The following CBX7 variants were observed in gnomAD, a reference collection of about 807,000 sequenced individuals.
CBX7 encodes the protein chromobox protein homolog 7.
Under a neutral mutation model 31.4 loss-of-function variants are expected in CBX7, and 14 were observed. That is an observed-to-expected ratio of 0.45 (90% CI 0.29 to 0.70). CBX7 has a LOEUF of 0.70. CBX7 is among the 30% of genes least tolerant of loss of function. CBX7 has a pLI of 0.11. For missense variants in CBX7, 269 were observed against 351.9 expected, an observed-to-expected ratio of 0.76 and a Z score of 1.89; for synonymous variants, 159 against 152.6, an observed-to-expected ratio of 1.04 and a Z score of -0.31.
At position 39,152,552 on chromosome 22, in the gene CBX7, C is replaced by T. The variant is rs1009612926; in HGVS notation, c.-108G>A. On this transcript the variant is annotated 5_prime_UTR_variant, in exon 1 of 6. Transcript: ENST00000216133. The surrounding 1 kb of genome is among the most constrained non-coding windows in gnomAD (Gnocchi z 4.9). ...GGGCTGGCGGGGTCCCCGTCACCCTCGTCCGGGCGCGCACGCGCACGCGCA... is the reference window on the plus strand; with the variant it reads ...GGGCTGGCGGGGTCCCCGTCACCCTTGTCCGGGCGCGCACGCGCACGCGCA... 1 of 334,304 alleles carries T rather than the reference C, an allele frequency of 3.0e-6. No individual in the cohort carries two copies. Among genetic ancestry groups the T allele is most frequent in the South Asian group, 1.1e-4 (1 of 9,184 alleles). 20.7% of individuals were successfully genotyped at this position (334,304 alleles called of 1,614,324 possible). A position where few individuals can be genotyped will look rare whatever the true frequency, so the allele number is the denominator to read the frequency against.
chr22:39,145,119 G>A (rs1930597580), intron 2 of CBX7, among the ~76,000 whole-genome samples: 1 of 152,184 alleles, frequency 6.6e-6, no homozygotes, highest in Non-Finnish European at 1.5e-5. Context: ...TGAGCGCCCC[G>A]AAAGGCTCGG....
rs1930137092 is a variant in CBX7 at position 39,133,878 on chromosome 22, T to C, written c.*13A>G. The C allele has an allele frequency of 1.3e-6, 2 of 1,593,380 alleles. No homozygotes were observed. Among genetic ancestry groups the C allele is most frequent in the Non-Finnish European group, 1.7e-6 (2 of 1,167,910 alleles). On this transcript the variant is annotated 3_prime_UTR_variant, in exon 6 of 6. Transcript: ENST00000216133. ...CCAAAAGAAAACAGTTTAAGAAGAG[T>C]AAAAACGGTGATTCAGAACTTCCCA...
chr22:39,136,847 C>T (rs1053635375), intron 4 of CBX7: 1 of 152,276 alleles, frequency 6.6e-6, no homozygotes, highest in Non-Finnish European at 1.5e-5. Flanking sequence ...CACAGACGTC[C>T]AGGAGATGTT....
At chr22:39,145,647 A>T (rs2146367027) in intron 2 of CBX7, among the ~76,000 whole-genome samples, 1 of 149,294 alleles carries the variant, frequency 6.7e-6, no homozygotes, top group South Asian at 2.1e-4. Flanking sequence ...GCGGAGCGCC[A>T]GGCCCCGCCC....
chr22:39,138,548 C>T (rs984767373), intron 4 of CBX7, 88 bp downstream of exon 4: 2 of 1,233,678 alleles, frequency 1.6e-6, no homozygotes, highest in African/African-American at 1.5e-5. Context: ...CAGATCAGCT[C>T]AATCAGCCAG....
intron 5 of CBX7, 100 bp from the exon 6 acceptor site, chr22:39,134,148 T>A (rs1355303455): frequency 1.2e-5 from 16 of 1,280,204 alleles, no homozygotes; most frequent in Admixed American, 2.3e-5. Flanking sequence ...TCTCTGTGTC[T>A]TCAGTCAGCT....
At chr22:39,150,006 A>T (rs770890760) in intron 1 of CBX7, among the ~76,000 whole-genome samples, 174 bp from the exon 2 acceptor site, 3 of 151,892 alleles carry the variant, frequency 2.0e-5, no homozygotes, top group Non-Finnish European at 2.9e-5. Flanking sequence ...AACCCATATA[A>T]CCGCGACTGC....
At chr22:39,138,864 C>T (rs533494383) in intron 3 of CBX7, among the ~76,000 whole-genome samples, 162 bp from the exon 4 acceptor site, 2 of 152,334 alleles carry the variant, frequency 1.3e-5, no homozygotes, top group East Asian at 3.9e-4. Flanking sequence ...GCCATAACAA[C>T]GGGGTCAGAT....
In CBX7 at chr22:39,134,392, C is replaced by A. The variant is rs777432768; in HGVS notation, c.598+9G>T. 2 of 1,590,194 alleles carry A rather than the reference C, an allele frequency of 1.3e-6. No homozygotes were observed. Among genetic ancestry groups the A allele is most frequent in the South Asian group, 1.1e-5 (1 of 89,996 alleles). The stretch of plus-strand genomic sequence containing the variant: ...AGCTCTGAGGGTCTCTGGGCTGGGG[C>A]CGCCTTACCCTCCTCTTCAGGGGGC... On this transcript the variant is annotated intron_variant, in intron 5 of 5. Transcript: ENST00000216133.
At chr22:39,134,315 C>A in intron 5 of CBX7, 86 bp downstream of exon 5, 1 of 1,171,330 alleles carries the variant, frequency 8.5e-7, no homozygotes, top group Non-Finnish European at 1.2e-6. Context: ...GCACTACAGG[C>A]CCTCTTTGGA....
chr22:39,151,176 C>T (rs193200658), intron 1 of CBX7, among the ~76,000 whole-genome samples: 4 of 152,268 alleles, frequency 2.6e-5, no homozygotes, highest in Admixed American at 1.3e-4. Context: ...CTACACAGCA[C>T]GAAAAGCACT....
chr22:39,145,490 G>T (rs1383448016), intron 2 of CBX7, among the ~76,000 whole-genome samples: 1 of 152,294 alleles, frequency 6.6e-6, no homozygotes, highest in South Asian at 2.1e-4. Flanking sequence ...CACACCAGGG[G>T]AGGGAGAGTG....
intron 4 of CBX7, among the ~76,000 whole-genome samples, chr22:39,137,580 C>T (rs1930298147): frequency 6.6e-6 from 1 of 152,102 alleles, no homozygotes; most frequent in South Asian, 2.1e-4. Context: ...AACTTCTGAC[C>T]TCAGGTGATC....
At chr22:39,142,019 G>C (rs1054507679) in intron 2 of CBX7, among the ~76,000 whole-genome samples, 3 of 152,204 alleles carry the variant, frequency 2.0e-5, no homozygotes, top group African/African-American at 7.2e-5. Flanking sequence ...CAGGAGGAGA[G>C]AGGGCGCCTG....
rs140569390 is a variant in CBX7 at position 39,134,681 on chromosome 22, C to T, written c.318G>A (p.Thr106=). The T allele has an allele frequency of 4.2e-4, 661 of 1,586,380 alleles. No homozygotes were observed. Among genetic ancestry groups the T allele is most frequent in the Non-Finnish European group, 5.4e-4 (631 of 1,165,790 alleles). The change falls in exon 5 of 6, where the codon ACG becomes ACA. Residue 106 remains threonine, a synonymous_variant. Coordinates refer to ENST00000216133, the MANE Select transcript of CBX7 (RefSeq NM_175709.5). ...KGKEKLCFSL[T]CPLGSGSPEG... ...CAGGGCTCCCGCTGCCGAGTGGGCA[C>T]GTCAGGGAGAAGCAGAGCTTCTCCT...
At chr22:39,143,872 G>A (rs1449870268) in intron 2 of CBX7, among the ~76,000 whole-genome samples, 1 of 152,190 alleles carries the variant, frequency 6.6e-6, no homozygotes, top group African/African-American at 2.4e-5. Flanking sequence ...TCTGATGTTC[G>A]TACAATGAAA....
At chr22:39,149,527 G>A (rs1363338289) in intron 2 of CBX7, 2 of 543,198 alleles carry the variant, frequency 3.7e-6, no homozygotes, top group Admixed American at 6.5e-5. Context: ...AGGGGAGGAG[G>A]GAGAGCAGAA....
At chr22:39,141,584 A>G (rs1416501262) in intron 2 of CBX7, 148 bp from the exon 3 acceptor site, 4 of 568,132 alleles carry the variant, frequency 7.0e-6, no homozygotes, top group Admixed American at 6.5e-5. Flanking sequence ...CCCCATCTCT[A>G]CTAAAAATAC....
chr22:39,145,669 GCGCA>G (rs935430758), intron 2 of CBX7, among the ~76,000 whole-genome samples: 12 of 150,246 alleles, frequency 8.0e-5, no homozygotes, highest in Admixed American at 4.0e-4. Context: ...CGCCGGCCGC[GCGCA>G]CGCACGCACG....
Sources: allele counts gnomAD v4.1 joint callset (sites outside exome capture counted in the v4.1 genomes callset), GRCh38; gene constraint gnomAD v4.1.1; non-coding constraint Gnocchi (gnomAD v3.1); transcripts MANE v1.5; gene names NCBI Gene and HGNC (gene_info 2026-07-23, HGNC 2026-07-21).